Variants in MTR observed in about 807,000 individuals in gnomAD.
MTR encodes the protein 5-methyltetrahydrofolate-homocysteine methyltransferase.
MTR carries 84 observed loss-of-function variants against 154.8 expected under a neutral mutation model. The observed-to-expected ratio is 0.54, with a 90% CI of 0.45 to 0.65. The LOEUF (loss-of-function observed/expected upper bound fraction) is 0.65. Ranked by LOEUF, MTR falls within the 30% of genes least tolerant of loss-of-function variation. The pLI, the probability that MTR is intolerant of heterozygous loss-of-function variation, is 0.00. For missense variants in MTR, 1,275 were observed against 1,570.2 expected (o/e 0.81, Z 3.18); for synonymous variants, 554 against 553.9 (o/e 1.00, Z 0.00).
At chr1:236,897,335 C>CACAT (rs1666715834) in intron 32 of MTR, among the ~76,000 whole-genome samples, 2 of 151,134 alleles carry the variant, frequency 1.3e-5, no homozygotes, top group African/African-American at 4.9e-5. Context: ...CACACACACA[C>CACAT]ACACACACAT....
chr1:236,880,670 C>T (rs772636751), intron 24 of MTR, 85 bp from the exon 25 acceptor site: 8 of 1,083,710 alleles, frequency 7.4e-6, no homozygotes, highest in Middle Eastern at 2.0e-4. Flanking sequence ...TGTAGAAATA[C>T]ATTATCTCTA....
intron 10 of MTR, 28 bp downstream of exon 10, chr1:236,825,427 T>C (rs1312573666): frequency 3.8e-6 from 6 of 1,568,334 alleles, no homozygotes; most frequent in Non-Finnish European, 5.3e-6. Context: ...CACTGGCTTT[T>C]TAAGAGAGAC....
chr1:236,843,450 C>G (rs1023871977), intron 15 of MTR, among the ~76,000 whole-genome samples: 1 of 152,190 alleles, frequency 6.6e-6, no homozygotes, highest in Non-Finnish European at 1.5e-5. Context: ...GAGGCCATTC[C>G]TAACACTTTT....
At chr1:236,806,062 G>A in intron 2 of MTR, 82 bp from the exon 3 acceptor site, 2 of 1,107,824 alleles carry the variant, frequency 1.8e-6, no homozygotes, top group South Asian at 1.3e-5. Flanking sequence ...TGCTGATAAT[G>A]GTGGTAATGA....
At position 236,891,307 on chromosome 1, in the gene MTR, C is replaced by T. The variant is rs1207523265; in HGVS notation, c.3182C>T (p.Thr1061Ile). 2 of 1,614,018 alleles carry T rather than the reference C, an allele frequency of 1.2e-6. No individual in the cohort carries two copies. The highest frequency in any genetic ancestry group is 1.3e-5 in the African/African-American group (1 of 74,912). The change falls in exon 29 of 33, where the codon ACC (threonine) becomes ATC (isoleucine). Residue 1061 changes from threonine (T) to isoleucine (I), a missense_variant. Transcript: ENST00000366577. The part of the protein sequence containing the change: ...AVPQAAEPIA[T>I]FYGLRQQAEK... ...CCCCAGGCTGCAGAGCCCATAGCCA[C>T]CTTCTATGGGTTAAGGCAACAGGTA...
In MTR at chr1:236,898,404, GT is replaced by G. The variant is rs796166778; in HGVS notation, c.*773del. 0.68 allele frequency: 95,771 copies of G among 140,624 alleles called. 32,770 individuals are homozygous for G. Among genetic ancestry groups the G allele is most frequent in the African/African-American group, 0.84 (32,069 of 38,146 alleles). 8.7% of individuals were successfully genotyped at this position (140,624 alleles called of 1,614,324 possible). A position where few individuals can be genotyped will look rare whatever the true frequency, so the allele number is the denominator to read the frequency against. On this transcript the variant is annotated 3_prime_UTR_variant, in exon 33 of 33. Transcript: ENST00000366577. Reference sequence around the variant, plus strand: ...ATTTTTTTTGTTTTGTTTTGTTTTGGTTTTTTTTTTTTTGAGACAGAGTCTG... The same window carrying G: ...ATTTTTTTTGTTTTGTTTTGTTTTGGTTTTTTTTTTTTGAGACAGAGTCTG...
At chr1:236,831,940 T>A (rs1379366177) in intron 12 of MTR, 26 bp from the exon 13 acceptor site, 1 of 1,578,596 alleles carries the variant, frequency 6.3e-7, no homozygotes, top group Non-Finnish European at 8.7e-7. Context: ...TTTGCAGAAA[T>A]TTTTCAAAAT....
Position 236,897,036 on chromosome 1 carries a change from C to T in MTR, c.3629C>T (p.Ala1210Val). Reference protein sequence around the residue: ...GIRLTESLAMAPASAVSGLYF... With the variant: ...GIRLTESLAMVPASAVSGLYF... ...AGGTTAACAGAATCATTAGCAATGG[C>T]ACCTGCTTCAGCAGTCTCAGGCCTC... The change falls in exon 32 of 33, where the codon GCA becomes GTA. Residue 1210 changes from alanine (A) to valine (V), a missense_variant. By Grantham distance (64) the Ala-to-Val change is moderately conservative (BLOSUM62 0). Coordinates refer to ENST00000366577, the MANE Select transcript of MTR (RefSeq NM_000254.3). 6.2e-7 allele frequency: 1 copy of T among 1,614,070 alleles called. No individual in the cohort carries two copies. Among genetic ancestry groups the T allele is most frequent in the East Asian group, 2.2e-5 (1 of 44,876 alleles).
chr1:236,846,077 A>G (rs139536949), intron 15 of MTR, among the ~76,000 whole-genome samples: 180 of 152,372 alleles, frequency 1.2e-3, no homozygotes, highest in African/African-American at 4.1e-3. Flanking sequence ...TGCAAGGTCA[A>G]GACCAGATAT....
intron 22 of MTR, among the ~76,000 whole-genome samples, chr1:236,864,368 G>C (rs3768139): frequency 0.72 from 109,278 of 152,084 alleles, 40,403 homozygotes; most frequent in African/African-American, 0.9. Flanking sequence ...CTGCTAAGCT[G>C]TGTCCCTGCT....
chr1:236,889,006 A>G (rs753244962), intron 27 of MTR, among the ~76,000 whole-genome samples, 175 bp from the exon 28 acceptor site: 36 of 152,212 alleles, frequency 2.4e-4, no homozygotes, highest in Non-Finnish European at 4.7e-4. Flanking sequence ...GACTCAGTGC[A>G]GAATTACTCC....
At chr1:236,813,462 T>A (rs1203053956) in intron 6 of MTR, among the ~76,000 whole-genome samples, 1 of 152,208 alleles carries the variant, frequency 6.6e-6, no homozygotes, top group Non-Finnish European at 1.5e-5. Flanking sequence ...ATTACCCTCA[T>A]TTGCGACTGG....
chr1:236,862,340 A>G lies in MTR; in HGVS notation c.2301A>G (p.Glu767=). ...ETRVLNGTVE[E]EDPYQGTIVL... ...GAGTGCTTAACGGCACAGTAGAAGA[A>G]GAGGCAAGTCATTTTGTTCAGGCCT... Residue 767 remains glutamate, a synonymous_variant, in exon 21 of 33, where the codon GAA becomes GAG. Coordinates refer to ENST00000366577, the MANE Select transcript of MTR (RefSeq NM_000254.3). The G allele has an allele frequency of 1.2e-6, 2 of 1,612,578 alleles. No individual in the cohort carries two copies. Among genetic ancestry groups the G allele is most frequent in the Non-Finnish European group, 1.7e-6 (2 of 1,178,604 alleles).
chr1:236,893,655 T>A (rs766283217), intron 29 of MTR, among the ~76,000 whole-genome samples: 41 of 152,228 alleles, frequency 2.7e-4, no homozygotes, highest in Non-Finnish European at 5.0e-4. Flanking sequence ...TTGATTTTTT[T>A]AATATGTATA....
intron 10 of MTR, among the ~76,000 whole-genome samples, chr1:236,826,464 T>C (rs1476728109): frequency 1.3e-5 from 2 of 152,106 alleles, no homozygotes; most frequent in African/African-American, 4.8e-5. Flanking sequence ...CCCAGCTAAT[T>C]TTTAAATTTT....
At chr1:236,813,242 C>T (rs956353910) in intron 6 of MTR, among the ~76,000 whole-genome samples, 1 of 152,028 alleles carries the variant, frequency 6.6e-6, no homozygotes. Context: ...GTTTGGGGGT[C>T]CTGACAGATG....
chr1:236,867,037 A>G (rs929698415), intron 22 of MTR, among the ~76,000 whole-genome samples: 3 of 152,238 alleles, frequency 2.0e-5, no homozygotes, highest in Admixed American at 6.5e-5. Flanking sequence ...TTCCAGATCT[A>G]GCTGACATCA....
At chr1:236,842,501 T>C (rs1240307680) in intron 15 of MTR, among the ~76,000 whole-genome samples, 2 of 152,198 alleles carry the variant, frequency 1.3e-5, no homozygotes, top group African/African-American at 4.8e-5. Flanking sequence ...GGTGAGATTT[T>C]CATATCTACA....
intron 24 of MTR, among the ~76,000 whole-genome samples, chr1:236,877,885 G>A (rs984158343): frequency 3.3e-5 from 5 of 152,142 alleles, no homozygotes; most frequent in Non-Finnish European, 5.9e-5. Context: ...CTTTTCAATG[G>A]TATCCCTTGT....
Sources: gnomAD v4.1 joint callset for allele counts (sites outside exome capture counted in the v4.1 genomes callset) on GRCh38, gnomAD v4.1.1 for gene constraint, MANE v1.5 for transcripts, NCBI Gene and HGNC (gene_info 2026-07-23, HGNC 2026-07-21) for gene names.